Variants in NOMO2 observed in about 807,000 individuals in gnomAD.
NOMO2 encodes BOS complex subunit NOMO2.
Under a neutral mutation model 67.1 loss-of-function variants are expected in NOMO2, and 14 were observed. The observed-to-expected ratio is 0.21, with a 90% confidence interval of 0.14 to 0.33. The LOEUF (loss-of-function observed/expected upper bound fraction) is 0.33. NOMO2 is among the 10% of genes least tolerant of loss of function. The pLI, the probability that NOMO2 is intolerant of heterozygous loss-of-function variation, is 1.00. For synonymous variants in NOMO2, 80 were observed against 305.9 expected (o/e 0.26, Z 7.71); for missense variants, 178 against 761.0 (o/e 0.23, Z 9.01).
intron 9 of NOMO2, among the ~76,000 whole-genome samples, chr16:18,540,644 C>A (rs1260600441): frequency 3.7e-4 from 56 of 151,464 alleles, no homozygotes; most frequent in Non-Finnish European, 1.5e-4. Flanking sequence ...AGAGTCTGCA[C>A]CCCACTGTGC....
Position 18,536,642 on chromosome 16 carries a change from A to G in NOMO2, c.1220+1884T>C, listed in dbSNP as rs556767112. On this transcript the variant is annotated intron_variant, in intron 11 of 30. Transcript: ENST00000622306. Reference sequence around the variant, plus strand: ...CTGGGATGGATTACAGGTGTGAGGCATTAAGCCTGGCCACAGATGTATTTG... The same window carrying G: ...CTGGGATGGATTACAGGTGTGAGGCGTTAAGCCTGGCCACAGATGTATTTG... Among the ~76,000 whole-genome samples the G allele has an allele frequency of 2.4e-4, 37 of 152,092 alleles. 1 individual carries two copies. Among genetic ancestry groups the G allele is most frequent in the Non-Finnish European group, 4.3e-4 (29 of 68,022 alleles).
At chr16:18,535,260 T>C (rs2141726744) in intron 11 of NOMO2, among the ~76,000 whole-genome samples, 1 of 150,114 alleles carries the variant, frequency 6.7e-6, no homozygotes, top group South Asian at 2.2e-4. Context: ...GAGGCTGCAG[T>C]GAGCCGAGAT....
At chr16:18,561,173 T>TAAAAAAAAA (rs756246897) in intron 1 of NOMO2, among the ~76,000 whole-genome samples, 32 of 32,446 alleles carry the variant, frequency 9.9e-4, no homozygotes, top group African/African-American at 1.6e-3. Context: ...ACAACTTAAT[T>TAAAAAAAAA]AAAAAAAAAA....
rs557764007 is a variant in NOMO2, at chr16:18,561,312, A to C, written c.165+564T>G. On this transcript the variant is annotated intron_variant, in intron 1 of 30. Transcript: ENST00000622306. ...GTGGAGGGGAGCCGGAGAAATAAAA[A>C]ATAGCTTTCCGGCCCTAGGGTTGCC... Among the ~76,000 whole-genome samples, 28 of 151,724 alleles carry C rather than the reference A, an allele frequency of 1.8e-4. 1 individual carries two copies. The highest frequency in any genetic ancestry group is 6.8e-4 in the African/African-American group (28 of 41,286).
At chr16:18,548,618 C>T (rs370988) in intron 5 of NOMO2, among the ~76,000 whole-genome samples, 4 of 152,192 alleles carry the variant, frequency 2.6e-5, no homozygotes, top group East Asian at 1.9e-4. Flanking sequence ...TAGGCATCTG[C>T]TCCAACTACA....
At chr16:18,558,748 T>C in intron 1 of NOMO2, 1 of 438,692 alleles carries the variant, frequency 2.3e-6, no homozygotes, top group South Asian at 1.6e-5. Flanking sequence ...CTTCCACGTG[T>C]TGTGTGGCCT....
intron 16 of NOMO2, among the ~76,000 whole-genome samples, chr16:18,526,389 T>C (rs372167): frequency 1.9e-4 from 29 of 152,218 alleles, no homozygotes; most frequent in Admixed American, 1.3e-4. Context: ...ATAAATTTAT[T>C]ACACAATGCA....
intron 5 of NOMO2, among the ~76,000 whole-genome samples, chr16:18,548,562 T>C (rs1435048230): frequency 6.6e-6 from 1 of 151,808 alleles, no homozygotes; most frequent in Non-Finnish European, 1.5e-5. Flanking sequence ...CTCAACTATA[T>C]ACATCCATTA....
chr16:18,545,159 A>G (rs1901638059), intron 6 of NOMO2, among the ~76,000 whole-genome samples: 1 of 146,928 alleles, frequency 6.8e-6, no homozygotes, highest in South Asian at 2.2e-4. Flanking sequence ...GCAGTGGTGC[A>G]ATCTTGGCTC....
At chr16:18,559,813 C>T (rs895646547) in intron 1 of NOMO2, among the ~76,000 whole-genome samples, 6 of 151,906 alleles carry the variant, frequency 3.9e-5, no homozygotes, top group African/African-American at 1.5e-4. Context: ...AAATAAAGAA[C>T]CCAGTTTTTA....
intron 11 of NOMO2, among the ~76,000 whole-genome samples, chr16:18,537,282 T>A (rs991509393): frequency 6.6e-6 from 1 of 151,350 alleles, no homozygotes; most frequent in African/African-American, 2.4e-5. Flanking sequence ...GCACCCTAAA[T>A]ATCTCACCAG....
chr16:18,557,827 T>C lies in NOMO2; in HGVS notation c.166-36A>G, dbSNP rs371826528. On this transcript the variant is annotated intron_variant, in intron 1 of 30. Transcript: ENST00000622306. ...AGGAAGGAAAACAGAAATCATAACATTGCCTTTGGGAATTAACTACACATG... is the reference window on the plus strand; with the variant it reads ...AGGAAGGAAAACAGAAATCATAACACTGCCTTTGGGAATTAACTACACATG... 9.1e-6 allele frequency: 14 copies of C among 1,537,490 alleles called. No individual in the cohort carries two copies. The South Asian group carries it at 9.6e-5, about 11-fold the overall frequency.
At chr16:18,528,266 A>G (rs1160547735) in intron 15 of NOMO2, among the ~76,000 whole-genome samples, 3 of 151,420 alleles carry the variant, frequency 2.0e-5, no homozygotes, top group African/African-American at 7.3e-5. Context: ...AAGTGTCAAA[A>G]AAAAAAAAAA....
intron 6 of NOMO2, among the ~76,000 whole-genome samples, chr16:18,546,278 C>CAAAA (rs71388802): frequency 5.6e-5 from 1 of 17,938 alleles, no homozygotes; most frequent in African/African-American, 2.0e-4. Context: ...GACCCTGTTG[C>CAAAA]AAAAAAAAAA....
At chr16:18,530,523 AG>A (rs1225550982) in intron 14 of NOMO2, among the ~76,000 whole-genome samples, 1 of 122,658 alleles carries the variant, frequency 8.2e-6, no homozygotes, top group Non-Finnish European at 1.8e-5. Flanking sequence ...CTTCTTAAGA[AG>A]GGCAAGGAAA....
chr16:18,540,384 G>A (rs960531179), intron 9 of NOMO2, among the ~76,000 whole-genome samples: 4 of 151,792 alleles, frequency 2.6e-5, no homozygotes, highest in African/African-American at 7.3e-5. Flanking sequence ...TCACATGTTA[G>A]GAAAACAGTA....
At chr16:18,555,672 G>A (rs1242774126) in intron 2 of NOMO2, among the ~76,000 whole-genome samples, 5 of 145,202 alleles carry the variant, frequency 3.4e-5, no homozygotes, top group Non-Finnish European at 7.6e-5. Context: ...GAAGTGGTGC[G>A]ATCTTGGCTC....
chr16:18,544,798 A>G (rs1319857108), intron 6 of NOMO2, among the ~76,000 whole-genome samples: 1 of 151,612 alleles, frequency 6.6e-6, no homozygotes, highest in African/African-American at 2.4e-5. Flanking sequence ...TTGTTAAGGT[A>G]CAATAAACAC....
chr16:18,520,414 ACCATCCATCCATCCATCCAT>A (rs766197133), intron 20 of NOMO2, among the ~76,000 whole-genome samples, 163 bp downstream of exon 20: 1 of 146,268 alleles, frequency 6.8e-6, no homozygotes, highest in Non-Finnish European at 1.5e-5. Flanking sequence ...ATCCAACCCA[ACCATCCATCCATCCATCCAT>A]CCATCCATCC....
Sources: allele counts gnomAD v4.1 joint callset (sites outside exome capture counted in the v4.1 genomes callset), GRCh38; gene constraint gnomAD v4.1.1; transcripts MANE v1.5; gene names NCBI Gene and HGNC (gene_info 2026-07-23, HGNC 2026-07-21).